Variants in ZNF750 observed in about 807,000 individuals in gnomAD.
ZNF750 encodes the protein zinc finger protein 750, also known as protein ZNF750.
In ZNF750, 10 loss-of-function variants were observed where a neutral mutation model predicts 31.6. That is an observed-to-expected ratio of 0.32 (90% confidence interval 0.19 to 0.54). The LOEUF (loss-of-function observed/expected upper bound fraction) is 0.54. Among genes scored for constraint, ZNF750 ranks in the 20% least tolerant of loss-of-function variants. The probability of loss-of-function intolerance (pLI) is 0.95; values close to 1 mark genes in which losing one functional copy is unlikely to be tolerated. For missense variants in ZNF750, 914 were observed against 934.9 expected, an observed-to-expected ratio of 0.98 and a Z score of 0.29; for synonymous variants, 400 against 404.9, an observed-to-expected ratio of 0.99 and a Z score of 0.15.
chr17:82,834,563 G>T (rs1455966557), intron 1 of ZNF750, among the ~76,000 whole-genome samples: 9 of 152,108 alleles, frequency 5.9e-5, no homozygotes, highest in African/African-American at 2.2e-4. Context: ...CATGTCCTTC[G>T]CAGGGAGAAA....
chr17:82,838,948 G>C (rs933591552), intron 1 of ZNF750: 1 of 985,266 alleles, frequency 1.0e-6, no homozygotes, highest in African/African-American at 1.7e-5. Context: ...AGATGTGGAC[G>C]GACTGTGCTT....
chr17:82,830,579 C>T lies in ZNF750; in HGVS notation c.1735G>A (p.Ala579Thr), dbSNP rs753166540. The T allele has an allele frequency of 1.2e-6, 2 of 1,613,936 alleles. No homozygotes were observed. Among genetic ancestry groups the T allele is most frequent in the East Asian group, 2.2e-5 (1 of 44,886 alleles). Residue 579 changes from alanine to threonine, a missense_variant, in exon 3 of 3, where the codon GCT (alanine) becomes ACT (threonine). Ala to Thr is a moderately conservative substitution (Grantham distance 58). Coordinates refer to ENST00000269394, the MANE Select transcript of ZNF750 (RefSeq NM_024702.3). ...PGRPRAAEPAAAVPQKTGTEG... is the reference protein window; with the variant it reads ...PGRPRAAEPATAVPQKTGTEG... ...GTCCCAGTCTTCTGTGGAACAGCAG[C>T]AGCAGGTTCTGCAGCTCGTGGTCGA...
In ZNF750 at chr17:82,831,698, C is replaced by G. The variant is rs2145265028; in HGVS notation, c.757G>C (p.Ala253Pro). The G allele has an allele frequency of 6.2e-7, 1 of 1,614,102 alleles. No homozygotes were observed. The highest frequency in any genetic ancestry group is 8.5e-7 in the Non-Finnish European group (1 of 1,180,030). ...PPHFYTEHGL[A>P]TIYSPYLLAG... The stretch of plus-strand genomic sequence containing the variant: ...AGCAGGTAAGGCGAGTAGATGGTGG[C>G]CAGCCCGTGCTCTGTGTAAAAGTGA... Residue 253 changes from alanine (A) to proline (P), a missense_variant, in exon 2 of 3, where the codon GCC becomes CCC. Physicochemically the swap from Ala to Pro is conservative, Grantham distance 27 (BLOSUM62 -1). Around this residue, in one of 2 missense-constraint regions of ZNF750, gnomAD observed 880 missense variants for 868.9 expected, o/e 1.01. Transcript: ENST00000269394. This position sits in a 1 kb window ranked among gnomAD's most constrained non-coding sequence, Gnocchi z 4.6.
At position 82,833,023 on chromosome 17, in the gene ZNF750, C is replaced by A. The variant is rs2053656015; in HGVS notation, c.-182-387G>T. Among the ~76,000 whole-genome samples the A allele has an allele frequency of 6.6e-6, 1 of 152,134 alleles. No homozygotes were observed. The highest frequency in any genetic ancestry group is 6.5e-5 in the Admixed American group (1 of 15,276). On this transcript the variant is annotated intron_variant, in intron 1 of 2. Coordinates refer to ENST00000269394, the MANE Select transcript of ZNF750 (RefSeq NM_024702.3). This position sits in a 1 kb window ranked among gnomAD's most constrained non-coding sequence, Gnocchi z 4.7. Reference sequence around the variant, plus strand: ...CCGGGGGCTGAGGACACCGAGCCCCCTCCCAGGGTCTGGACAGAGTCCTGT... The same window carrying A: ...CCGGGGGCTGAGGACACCGAGCCCCATCCCAGGGTCTGGACAGAGTCCTGT...
At chr17:82,837,688 G>A (rs2054107815) in intron 1 of ZNF750, among the ~76,000 whole-genome samples, 1 of 152,218 alleles carries the variant, frequency 6.6e-6, no homozygotes, top group South Asian at 2.1e-4. Flanking sequence ...TGGATCGGCA[G>A]GAAGCGTTAG....
In ZNF750 at chr17:82,835,785, C is replaced by A. The variant is rs1194292301; in HGVS notation, c.-182-3149G>T. ...TCCCCCTACAAACTGCCTCTATTAA[C>A]ATACTTTAAGTTCTTTAAGACATTT... On this transcript the variant is annotated intron_variant, in intron 1 of 2. Coordinates refer to ENST00000269394, the MANE Select transcript of ZNF750 (RefSeq NM_024702.3). The surrounding 1 kb of genome is among the most constrained non-coding windows in gnomAD (Gnocchi z 4.5). 6.6e-6 allele frequency among the ~76,000 whole-genome samples: 1 copy of A among 152,198 alleles called. No individual in the cohort carries two copies. Among genetic ancestry groups the A allele is most frequent in the Non-Finnish European group, 1.5e-5 (1 of 68,024 alleles).
In ZNF750 at chr17:82,829,864, ATCT is replaced by A; in HGVS notation, c.*275_*277del. ...ATTTATAAGGAAACATTTATAAAAG[ATCT>A]TCTGTAAGACAGCTTAGACTTGAAA... On this transcript the variant is annotated 3_prime_UTR_variant, in exon 3 of 3. Transcript: ENST00000269394. 1 of 474,512 alleles carries A rather than the reference ATCT, an allele frequency of 2.1e-6. No homozygotes were observed. The allele number at this position is 474,512 out of a possible 1,614,324, so 29.4% of individuals were successfully genotyped here.
In ZNF750 at chr17:82,835,992, G is replaced by T. The variant is rs908334851; in HGVS notation, c.-182-3356C>A. On this transcript the variant is annotated intron_variant, in intron 1 of 2. Transcript: ENST00000269394. This position sits in a 1 kb window ranked among gnomAD's most constrained non-coding sequence, Gnocchi z 4.5. ...GGCTCAGACCCCGCGCTCAGCACCC[G>T]TCTCCCACCGTGGGCTGCCACAGAA... Among the ~76,000 whole-genome samples the T allele has an allele frequency of 5.3e-5, 8 of 152,164 alleles. No homozygotes were observed. The highest frequency in any genetic ancestry group is 2.0e-4 in the Admixed American group (3 of 15,286).
chr17:82,831,648 G>T lies in ZNF750; in HGVS notation c.807C>A (p.Asp269Glu), dbSNP rs570304182. 1 of 1,614,170 alleles carries T rather than the reference G, an allele frequency of 6.2e-7. No homozygotes were observed. Among genetic ancestry groups the T allele is most frequent in the Admixed American group, 1.7e-5 (1 of 60,020 alleles). ...TTCCGTAGACTGACAGCAGGGGTGCGTCACACTCAGGCGAGCTCCCAGCCA... is the reference window on the plus strand; with the variant it reads ...TTCCGTAGACTGACAGCAGGGGTGCTTCACACTCAGGCGAGCTCCCAGCCA... ...YLLAGSSPEC[D>E]APLLSVYGTQ... Residue 269 changes from aspartate to glutamate, a missense_variant, in exon 2 of 3, where the codon GAC (aspartate) becomes GAA (glutamate). Physicochemically the swap from Asp to Glu is conservative, Grantham distance 45. Around this residue, in one of 2 missense-constraint regions of ZNF750, gnomAD observed 880 missense variants for 868.9 expected, o/e 1.01. Transcript: ENST00000269394. The surrounding 1 kb of genome is among the most constrained non-coding windows in gnomAD (Gnocchi z 4.6).
Position 82,831,047 on chromosome 17 carries a change from C to T in ZNF750, c.1408G>A (p.Ala470Thr), listed in dbSNP as rs2053460067. The T allele has an allele frequency of 1.2e-6, 2 of 1,614,082 alleles. No individual in the cohort carries two copies. Among genetic ancestry groups the T allele is most frequent in the South Asian group, 2.2e-5 (2 of 91,090 alleles). Reference protein sequence around the residue: ...KSTECLPAQAAETTAESPVSL... With the variant: ...KSTECLPAQATETTAESPVSL... ...ACTGGAGACTCTGCTGTGGTCTCAG[C>T]AGCCTGGGCAGGTAGGCATTCTGTG... The change falls in exon 2 of 3, where the codon GCT (alanine) becomes ACT (threonine). Residue 470 changes from alanine (A) to threonine (T), a missense_variant. Coordinates refer to ENST00000269394, the MANE Select transcript of ZNF750 (RefSeq NM_024702.3). The surrounding 1 kb of genome is among the most constrained non-coding windows in gnomAD (Gnocchi z 4.6).
At position 82,831,128 on chromosome 17, in the gene ZNF750, C is replaced by T. The variant is rs761450879; in HGVS notation, c.1327G>A (p.Gly443Arg). 5 of 1,614,002 alleles carry T rather than the reference C, an allele frequency of 3.1e-6. No homozygotes were observed. In the African/African-American group the frequency reaches 4.0e-5, roughly 13 times the overall value. ...LSNKAASSALGRLYPPEQSLT... is the reference protein window; with the variant it reads ...LSNKAASSALRRLYPPEQSLT... ...CTTTGCTCTGGCGGGTAGAGTCTTC[C>T]CAGTGCGCTGGAGGCTGCCTTGTTG... Residue 443 changes from glycine (G) to arginine (R), a missense_variant, in exon 2 of 3, where the codon GGA becomes AGA. By Grantham distance (125) the Gly-to-Arg change is moderately radical (BLOSUM62 -2). Transcript: ENST00000269394. This position sits in a 1 kb window ranked among gnomAD's most constrained non-coding sequence, Gnocchi z 4.6.
chr17:82,831,184 C>T lies in ZNF750; in HGVS notation c.1271G>A (p.Ser424Asn), dbSNP rs369281909. The T allele has an allele frequency of 2.5e-6, 4 of 1,614,034 alleles. No homozygotes were observed. In the African/African-American group the frequency reaches 4.0e-5, roughly 16 times the overall value. Residue 424 changes from serine (S) to asparagine (N), a missense_variant, in exon 2 of 3, where the codon AGC becomes AAC. Around this residue, in one of 2 missense-constraint regions of ZNF750, gnomAD observed 880 missense variants for 868.9 expected, o/e 1.01. Transcript: ENST00000269394. This position sits in a 1 kb window ranked among gnomAD's most constrained non-coding sequence, Gnocchi z 4.6. ...GTCGTACAGGCCTTCGCAGGTCTGG[C>T]TCGTCTGCATGAAGTCGGTGGGGCT... ...RPSPTDFMQTSQTCEGLYDLS... is the reference protein window; with the variant it reads ...RPSPTDFMQTNQTCEGLYDLS...
chr17:82,838,271 T>G (rs1206886556), intron 1 of ZNF750, among the ~76,000 whole-genome samples: 3 of 152,120 alleles, frequency 2.0e-5, no homozygotes, highest in Admixed American at 6.5e-5. Context: ...TAGTGAGAAG[T>G]TGGGATGCTT....
Position 82,830,316 on chromosome 17 carries a change from G to C in ZNF750, c.1998C>G (p.Asp666Glu). The change falls in exon 3 of 3, where the codon GAC becomes GAG. Residue 666 changes from aspartate to glutamate, a missense_variant. Around this residue, in one of 2 missense-constraint regions of ZNF750, gnomAD observed 880 missense variants for 868.9 expected, o/e 1.01. Coordinates refer to ENST00000269394, the MANE Select transcript of ZNF750 (RefSeq NM_024702.3). Reference sequence around the variant, plus strand: ...TCTCCATGGAGCTCAGTGTGGGTGTGTCTTGCCGGCAGGCAGGTTCCGGGG... The same window carrying C: ...TCTCCATGGAGCTCAGTGTGGGTGTCTCTTGCCGGCAGGCAGGTTCCGGGG... ...AAAPEPACRQ[D>E]TPTLSSMESQ... is the part of the protein sequence containing the mutation. 2 of 1,614,160 alleles carry C rather than the reference G, an allele frequency of 1.2e-6. No homozygotes were observed. Among genetic ancestry groups the C allele is most frequent in the Non-Finnish European group, 1.7e-6 (2 of 1,180,034 alleles).
At position 82,832,636 on chromosome 17, in the gene ZNF750, G is replaced by A. The variant is rs1034155561; in HGVS notation, c.-182C>T. 10 of 650,076 alleles carry A rather than the reference G, an allele frequency of 1.5e-5. No homozygotes were observed. Among genetic ancestry groups the A allele is most frequent in the Non-Finnish European group, 2.7e-5 (10 of 370,706 alleles). The allele number at this position is 650,076 out of a possible 1,614,324, so 40.3% of individuals were successfully genotyped here. On this transcript the variant is annotated splice_region_variant and 5_prime_UTR_variant, in exon 2 of 3. Transcript: ENST00000269394. The surrounding 1 kb of genome is among the most constrained non-coding windows in gnomAD (Gnocchi z 4.9). ...AGCCTCCGTCATCTGGCGGCTGGGA[G>A]CTGTAATAAAGAGCAGTCTTGGTGT...
In ZNF750 at chr17:82,830,885, A is replaced by C. The variant is rs201882140; in HGVS notation, c.1437-8T>G. The C allele has an allele frequency of 4.7e-4, 764 of 1,612,704 alleles. 1 individual carries two copies. Among genetic ancestry groups the C allele is most frequent in the Non-Finnish European group, 5.3e-4 (626 of 1,180,012 alleles). On this transcript the variant is annotated splice_polypyrimidine_tract_variant and splice_region_variant and intron_variant, in intron 2 of 2. Coordinates refer to ENST00000269394, the MANE Select transcript of ZNF750 (RefSeq NM_024702.3). ...CCGTTCACAACATTGAGGCTAGAAG[A>C]AGCCAAGAAAAAGCTTAGTAGGAGC...
chr17:82,834,852 C>T (rs11654320), intron 1 of ZNF750, among the ~76,000 whole-genome samples: 64,091 of 151,936 alleles, frequency 0.42, 13,773 homozygotes, highest in East Asian at 0.54. Flanking sequence ...ACACGTTCTG[C>T]ACTTGTGTCC....
At chr17:82,838,322 GAGAA>G in intron 1 of ZNF750, among the ~76,000 whole-genome samples, 1 of 140,280 alleles carries the variant, frequency 7.1e-6, no homozygotes, top group South Asian at 2.2e-4. Flanking sequence ...AAATAGACAA[GAGAA>G]AGAGTTCTTA....
Position 82,832,567 on chromosome 17 carries a change from C to G in ZNF750, c.-113G>C, listed in dbSNP as rs892488395. 8 of 890,308 alleles carry G rather than the reference C, an allele frequency of 9.0e-6. No homozygotes were observed. In the Admixed American group the frequency reaches 1.2e-4, roughly 13 times the overall value. The allele number at this position is 890,308 out of a possible 1,614,324, so 55.2% of individuals were successfully genotyped here. A position where few individuals can be genotyped will look rare whatever the true frequency, so the allele number is the denominator to read the frequency against. On this transcript the variant is annotated 5_prime_UTR_variant, in exon 2 of 3. Coordinates refer to ENST00000269394, the MANE Select transcript of ZNF750 (RefSeq NM_024702.3). This position sits in a 1 kb window ranked among gnomAD's most constrained non-coding sequence, Gnocchi z 4.9. ...CTCCCGCTTTGCTTTCTTTCCCGAT[C>G]ACTTCTATCAGAAGCCAGCTCTGCG...
Sources: allele counts gnomAD v4.1 joint callset (sites outside exome capture counted in the v4.1 genomes callset), GRCh38; gene constraint gnomAD v4.1.1; regional missense constraint gnomAD v4.1.1; non-coding constraint Gnocchi (gnomAD v3.1); transcripts MANE v1.5; gene names NCBI Gene and HGNC (gene_info 2026-07-23, HGNC 2026-07-21).